The following CAMK1D variants were observed in gnomAD, a reference collection of about 807,000 sequenced individuals.
The protein encoded by CAMK1D is calcium/calmodulin dependent protein kinase ID.
A neutral mutation model predicts 47.7 loss-of-function variants in CAMK1D; 9 were observed. The ratio of observed to expected loss-of-function variants is 0.19; its 90% CI spans 0.11 to 0.33. The LOEUF is 0.33. Ranked by LOEUF, CAMK1D falls within the 10% of genes least tolerant of loss-of-function variation. The pLI is 1.00. For missense variants in CAMK1D, 291 were observed against 488.7 expected, an observed-to-expected ratio of 0.60 and a Z score of 3.81; for synonymous variants, 184 against 184.9, an observed-to-expected ratio of 0.99 and a Z score of 0.04.
At chr10:12,565,313 C>T (rs1837086798) in intron 2 of CAMK1D, among the ~76,000 whole-genome samples, 1 of 152,136 alleles carries the variant, frequency 6.6e-6, no homozygotes, top group Non-Finnish European at 1.5e-5. Flanking sequence ...TGCAGTGGCA[C>T]GACTCGGCCC....
intron 1 of CAMK1D, among the ~76,000 whole-genome samples, chr10:12,468,341 C>T (rs1833651896): frequency 6.6e-6 from 1 of 152,234 alleles, no homozygotes; most frequent in South Asian, 2.1e-4. Context: ...GCATTACAGC[C>T]ATGAGCCACT....
chr10:12,656,996 C>T (rs1439193396), intron 2 of CAMK1D, among the ~76,000 whole-genome samples: 2 of 152,180 alleles, frequency 1.3e-5, no homozygotes, highest in African/African-American at 4.8e-5. Flanking sequence ...TGTATCAGAG[C>T]TAAGACGCAA....
intron 1 of CAMK1D, among the ~76,000 whole-genome samples, chr10:12,354,661 C>T (rs1045056190): frequency 1.3e-5 from 2 of 151,862 alleles, no homozygotes; most frequent in South Asian, 2.1e-4. Context: ...CCGCCTGCCT[C>T]GGCCTCCCAA....
At chr10:12,472,491 T>C (rs1209987162) in intron 1 of CAMK1D, among the ~76,000 whole-genome samples, 1 of 95,710 alleles carries the variant, frequency 1.0e-5, no homozygotes, top group African/African-American at 3.8e-5. Context: ...AGTCACTGTC[T>C]CACTCTTCAG....
At chr10:12,584,280 G>T (rs899321535) in intron 2 of CAMK1D, among the ~76,000 whole-genome samples, 1 of 152,208 alleles carries the variant, frequency 6.6e-6, no homozygotes, top group African/African-American at 2.4e-5. Context: ...TCCAGGAAGA[G>T]AAAATTGGAT....
intron 2 of CAMK1D, among the ~76,000 whole-genome samples, chr10:12,651,404 G>A (rs1235764170): frequency 1.3e-5 from 2 of 152,088 alleles, no homozygotes; most frequent in Admixed American, 1.3e-4. Context: ...TTTTATTCAT[G>A]TTTTTGAAAT....
At chr10:12,755,049 G>T (rs1372090269) in intron 3 of CAMK1D, among the ~76,000 whole-genome samples, 1 of 152,184 alleles carries the variant, frequency 6.6e-6, no homozygotes, top group Non-Finnish European at 1.5e-5. Flanking sequence ...TAGATGGAAA[G>T]GCGTGTGTTT....
intron 2 of CAMK1D, among the ~76,000 whole-genome samples, chr10:12,598,892 C>T (rs1838221852): frequency 6.6e-6 from 1 of 152,124 alleles, no homozygotes; most frequent in Non-Finnish European, 1.5e-5. Context: ...CAAAATATCT[C>T]GATGTGTGTG....
At chr10:12,781,946 C>A (rs1837515575) in intron 5 of CAMK1D, among the ~76,000 whole-genome samples, 1 of 151,264 alleles carries the variant, frequency 6.6e-6, no homozygotes, top group South Asian at 2.1e-4. Context: ...CCATGCCTGG[C>A]CTGGTGATAT....
intron 1 of CAMK1D, among the ~76,000 whole-genome samples, chr10:12,366,548 A>G (rs1837840877): frequency 1.3e-5 from 2 of 149,836 alleles, no homozygotes; most frequent in Non-Finnish European, 3.0e-5. Flanking sequence ...AATCCTGGCT[A>G]CTCGGGAGGC....
At chr10:12,417,091 G>A (rs1160422746) in intron 1 of CAMK1D, among the ~76,000 whole-genome samples, 2 of 152,158 alleles carry the variant, frequency 1.3e-5, no homozygotes, top group Non-Finnish European at 1.5e-5. Flanking sequence ...GGGGACAGTG[G>A]CAGTACTTGT....
At chr10:12,469,379 C>A in intron 1 of CAMK1D, among the ~76,000 whole-genome samples, 1 of 141,844 alleles carries the variant, frequency 7.1e-6, no homozygotes, top group Non-Finnish European at 1.5e-5. Flanking sequence ...GGTGCTCATG[C>A]AATTAACCCT....
At chr10:12,615,524 C>T (rs1239293709) in intron 2 of CAMK1D, among the ~76,000 whole-genome samples, 1 of 143,354 alleles carries the variant, frequency 7.0e-6, no homozygotes, top group African/African-American at 2.7e-5. Flanking sequence ...GTGTGTATAT[C>T]GGTGTGTGTG....
chr10:12,351,546 G>A (rs138957130), intron 1 of CAMK1D, among the ~76,000 whole-genome samples: 1 of 152,316 alleles, frequency 6.6e-6, no homozygotes, highest in Non-Finnish European at 1.5e-5. Flanking sequence ...CCTGTCCGTG[G>A]CTTGTTCCCA....
intron 1 of CAMK1D, among the ~76,000 whole-genome samples, chr10:12,387,436 A>T (rs868349141): frequency 7.1e-5 from 4 of 56,116 alleles, no homozygotes; most frequent in African/African-American, 2.0e-4. Flanking sequence ...TTTATATATT[A>T]TATATATTTT....
At chr10:12,682,177 G>A (rs954331152) in intron 3 of CAMK1D, among the ~76,000 whole-genome samples, 21 of 152,136 alleles carry the variant, frequency 1.4e-4, no homozygotes, top group African/African-American at 4.8e-4. Flanking sequence ...CCGAGATCGC[G>A]TCACTGCACT....
intron 2 of CAMK1D, among the ~76,000 whole-genome samples, chr10:12,594,393 T>A (rs961515747): frequency 6.6e-6 from 1 of 152,258 alleles, no homozygotes; most frequent in African/African-American, 2.4e-5. Flanking sequence ...GGTGTGATCC[T>A]TGTTTTTATA....
Position 12,734,381 on chromosome 10 carries a change from T to G in CAMK1D, c.300-26567T>G, listed in dbSNP as rs1356106984. 2.3e-3 allele frequency among the ~76,000 whole-genome samples: 5 copies of G among 2,162 alleles called. 1 individual carries two copies. Among genetic ancestry groups the G allele is most frequent in the Non-Finnish European group, 5.6e-3 (2 of 360 alleles). The allele number at this position is 2,162 out of a possible 152,430, so 1.4% of individuals were successfully genotyped here. A position where few individuals can be genotyped will look rare whatever the true frequency, so the allele number is the denominator to read the frequency against. On this transcript the variant is annotated intron_variant, in intron 3 of 10. Coordinates refer to ENST00000619168, the MANE Select transcript of CAMK1D (RefSeq NM_153498.4). ...ATATATATATATATATATATATAGATATAGATATAGATATATATATATATA... is the reference window on the plus strand; with the variant it reads ...ATATATATATATATATATATATAGAGATAGATATAGATATATATATATATA...
intron 2 of CAMK1D, among the ~76,000 whole-genome samples, chr10:12,627,757 G>A (rs895071571): frequency 6.6e-6 from 1 of 152,080 alleles, no homozygotes; most frequent in Admixed American, 6.6e-5. Flanking sequence ...GTAACACGAG[G>A]TGTTTATTCA....
Sources: gnomAD v4.1 joint callset for allele counts (sites outside exome capture counted in the v4.1 genomes callset) on GRCh38, gnomAD v4.1.1 for gene constraint, MANE v1.5 for transcripts, NCBI Gene and HGNC (gene_info 2026-07-23, HGNC 2026-07-21) for gene names.